Variants in SLC6A16 observed in about 807,000 individuals in gnomAD.
The protein encoded by SLC6A16 is solute carrier family 6 member 16, also known as orphan sodium- and chloride-dependent neurotransmitter transporter NTT5.
SLC6A16 carries 54 observed loss-of-function variants against 65.4 expected under a neutral mutation model. The ratio of observed to expected loss-of-function variants is 0.83; its 90% CI spans 0.66 to 1.04. The LOEUF is 1.04. Ranked by LOEUF, SLC6A16 falls within the 50% of genes least tolerant of loss-of-function variation. The pLI is 0.00. For synonymous variants in SLC6A16, 330 were observed against 346.5 expected (o/e 0.95, Z 0.53); for missense variants, 816 against 914.0 (o/e 0.89, Z 1.38).
chr19:49,304,673 G>A (rs1253077288), intron 7 of SLC6A16, among the ~76,000 whole-genome samples: 1 of 152,200 alleles, frequency 6.6e-6, no homozygotes, highest in Non-Finnish European at 1.5e-5. Context: ...GCTAAGGCAG[G>A]AGAATCGCTT....
chr19:49,308,630 G>T (rs1040123311), intron 7 of SLC6A16, among the ~76,000 whole-genome samples: 1 of 152,048 alleles, frequency 6.6e-6, no homozygotes, highest in African/African-American at 2.4e-5. Flanking sequence ...TCCACTCTGA[G>T]GTGGATAGCT....
intron 10 of SLC6A16, among the ~76,000 whole-genome samples, chr19:49,291,725 C>A (rs768063663): frequency 1.1e-4 from 16 of 151,998 alleles, no homozygotes; most frequent in Non-Finnish European, 1.8e-4. Context: ...ATCCAGTCTC[C>A]TTTAGTACAT....
the SLC6A16 span, chr19:49,340,225 T>C: frequency 1.9e-6 from 3 of 1,596,064 alleles, no homozygotes. Context: ...CTTCGACTTC[T>C]CTGACCTCAT....
the SLC6A16 span, among the ~76,000 whole-genome samples, chr19:49,332,717 G>A: frequency 7.9e-5 from 12 of 152,146 alleles, no homozygotes; most frequent in Non-Finnish European, 1.6e-4. Flanking sequence ...TATCTTTTTG[G>A]AGAACGCCAT....
the SLC6A16 span, chr19:49,335,319 G>A: frequency 1.7e-6 from 1 of 577,042 alleles, no homozygotes; most frequent in Non-Finnish European, 3.1e-6. The surrounding 1 kb of genome is among the most constrained non-coding windows in gnomAD (Gnocchi z 4.6). Flanking sequence ...TCCCAGTGGA[G>A]CAGGTGAGGG....
chr19:49,325,547 C>A (rs564496744), upstream of SLC6A16, among the ~76,000 whole-genome samples: 6 of 152,308 alleles, frequency 3.9e-5, no homozygotes, highest in East Asian at 1.2e-3. Context: ...ACTTAAAGAT[C>A]GCCTACTAGA....
intron 7 of SLC6A16, among the ~76,000 whole-genome samples, chr19:49,296,434 T>C (rs766609036): frequency 6.6e-6 from 1 of 152,260 alleles, no homozygotes; most frequent in East Asian, 1.9e-4. Context: ...AGGGAGGTAT[T>C]GGTGTAAAAA....
upstream of SLC6A16, among the ~76,000 whole-genome samples, chr19:49,329,647 TGA>T (rs1970829548): frequency 7.8e-6 from 1 of 127,888 alleles, no homozygotes; most frequent in African/African-American, 3.2e-5. Flanking sequence ...TTTTTTTTTT[TGA>T]GACAGTCTAG....
chr19:49,302,535 T>G (rs1463306926), intron 7 of SLC6A16, among the ~76,000 whole-genome samples: 1 of 152,194 alleles, frequency 6.6e-6, no homozygotes, highest in Non-Finnish European at 1.5e-5. Flanking sequence ...CATTTGAAGT[T>G]AATGCTTCTT....
chr19:49,322,458 T>C (rs1970727331), intron 1 of SLC6A16, among the ~76,000 whole-genome samples: 1 of 151,826 alleles, frequency 6.6e-6, no homozygotes, highest in East Asian at 1.9e-4. Context: ...CTGACGAACA[T>C]GGAGAAAACC....
At chr19:49,311,526 A>G in intron 1 of SLC6A16, 115 bp from the exon 2 acceptor site, 1 of 554,384 alleles carries the variant, frequency 1.8e-6, no homozygotes, top group Non-Finnish European at 3.0e-6. Context: ...TGACATTTAA[A>G]GCACAAAAAA....
the SLC6A16 span, chr19:49,340,156 CG>C: frequency 2.0e-5 from 29 of 1,438,438 alleles, no homozygotes; most frequent in East Asian, 7.4e-5. Context: ...GCCCAATTCA[CG>C]GCCCCACCCC....
chr19:49,324,015 G>C (rs542795188), intron 1 of SLC6A16, among the ~76,000 whole-genome samples: 1 of 152,232 alleles, frequency 6.6e-6, no homozygotes, highest in South Asian at 2.1e-4. Flanking sequence ...GGGAGACAGA[G>C]AGAGACCCTG....
At chr19:49,306,777 C>T (rs897291577) in intron 7 of SLC6A16, among the ~76,000 whole-genome samples, 9 of 151,926 alleles carry the variant, frequency 5.9e-5, no homozygotes, top group East Asian at 5.8e-4. Flanking sequence ...CTCCTGACCT[C>T]GTGATCCATC....
At chr19:49,306,586 C>G (rs1387366737) in intron 7 of SLC6A16, among the ~76,000 whole-genome samples, 1 of 148,656 alleles carries the variant, frequency 6.7e-6, no homozygotes, top group Non-Finnish European at 1.5e-5. Flanking sequence ...CTCTGTTGCC[C>G]AGGTGGAATG....
chr19:49,338,869 A>C, the SLC6A16 span: 1 of 1,614,112 alleles, frequency 6.2e-7, no homozygotes, highest in Non-Finnish European at 8.5e-7. This position sits in a 1 kb window ranked among gnomAD's most constrained non-coding sequence, Gnocchi z 5.0. Flanking sequence ...AGGCTTGGAC[A>C]CCTGGCGCGG....
At chr19:49,293,076 G>C (rs1970108495) in intron 10 of SLC6A16, 147 bp downstream of exon 10, 1 of 657,810 alleles carries the variant, frequency 1.5e-6, no homozygotes. Flanking sequence ...TGTGAAAATG[G>C]ATGAATGAAT....
At chr19:49,306,297 C>CAAAAA (rs536974639) in intron 7 of SLC6A16, among the ~76,000 whole-genome samples, 1 of 125,344 alleles carries the variant, frequency 8.0e-6, no homozygotes. Context: ...GAGTCTGTCT[C>CAAAAA]AAAAAAAAAA....
Position 49,319,527 on chromosome 19 carries a change from ATATACC to A in SLC6A16, c.-65+5515_-65+5520del, listed in dbSNP as rs924609898. On this transcript the variant is annotated intron_variant, in intron 1 of 11. Coordinates refer to ENST00000335875, the MANE Select transcript of SLC6A16 (RefSeq NM_014037.3). Reference sequence around the variant, plus strand: ...TGTGTATATGTGTATATGTATATACATATACCTATACGATATATACATATACATATA... The same window carrying A: ...TGTGTATATGTGTATATGTATATACATATACGATATATACATATACATATA... Among the ~76,000 whole-genome samples the A allele has an allele frequency of 1.5e-4, 23 of 150,316 alleles. No individual in the cohort carries two copies. In the South Asian group the frequency reaches 3.1e-3, roughly 20 times the overall value.
Sources: gnomAD v4.1 joint callset for allele counts (sites outside exome capture counted in the v4.1 genomes callset) on GRCh38, gnomAD v4.1.1 for gene constraint, Gnocchi (gnomAD v3.1) non-coding constraint, MANE v1.5 for transcripts, NCBI Gene and HGNC (gene_info 2026-07-23, HGNC 2026-07-21) for gene names.